Variants in ADAMTS20 observed in about 807,000 individuals in gnomAD.
ADAMTS20 encodes A disintegrin and metalloproteinase with thrombospondin motifs 20.
In ADAMTS20, 225 loss-of-function variants were observed where a neutral mutation model predicts 260.1. The observed-to-expected ratio is 0.87, with a 90% CI of 0.78 to 0.97. The LOEUF is 0.97. Ranked by LOEUF, ADAMTS20 falls within the 50% of genes least tolerant of loss-of-function variation. The pLI, the probability that ADAMTS20 is intolerant of heterozygous loss-of-function variation, is 0.00. For synonymous variants in ADAMTS20, 802 were observed against 769.5 expected (o/e 1.04, Z -0.70); for missense variants, 2,400 against 2,337.7 (o/e 1.03, Z -0.55).
chr12:43,358,609 C>T (rs1565663259), intron 37 of ADAMTS20, among the ~76,000 whole-genome samples: 1 of 151,720 alleles, frequency 6.6e-6, no homozygotes, highest in South Asian at 2.1e-4. Flanking sequence ...GAGGCCGAGA[C>T]GGGCGGATCA....
intron 7 of ADAMTS20, among the ~76,000 whole-genome samples, chr12:43,469,038 A>G (rs1166649250): frequency 6.6e-6 from 1 of 152,146 alleles, no homozygotes; most frequent in African/African-American, 2.4e-5. Context: ...TAGCGTGGGT[A>G]GCAGGAAAGA....
At position 43,369,324 on chromosome 12, in the gene ADAMTS20, G is replaced by A. The variant is rs1178538083; in HGVS notation, c.5504C>T (p.Ala1835Val). The change falls in exon 37 of 39, where the codon GCT becomes GTT. Residue 1835 changes from alanine (A) to valine (V), a missense_variant. Ala to Val is a moderately conservative substitution (Grantham distance 64). Transcript: ENST00000389420. ...TCTGAAAGCACTGTAGCAATCTCCA[G>A]CTGTGGCAAATGGAACTGCATTTCC... Reference protein sequence around the residue: ...IFGNAVPFATAGDCYSAFRCP... With the variant: ...IFGNAVPFATVGDCYSAFRCP... 1.3e-6 allele frequency: 2 copies of A among 1,557,738 alleles called. No individual in the cohort carries two copies. Among genetic ancestry groups the A allele is most frequent in the Admixed American group, 1.9e-5 (1 of 52,618 alleles).
chr12:43,419,609 A>T (rs1941192195), intron 28 of ADAMTS20, among the ~76,000 whole-genome samples: 1 of 152,154 alleles, frequency 6.6e-6, no homozygotes, highest in African/African-American at 2.4e-5. Context: ...AAACATGGAC[A>T]CTTTCACTTT....
intron 2 of ADAMTS20, among the ~76,000 whole-genome samples, chr12:43,535,240 C>A (rs752905819): frequency 1.4e-4 from 22 of 152,282 alleles, no homozygotes; most frequent in Middle Eastern, 3.4e-3. Context: ...GCTGAAGAGA[C>A]TATCTGAGAT....
rs1470997155 is a variant in ADAMTS20 at position 43,532,125 on chromosome 12, T to A, written c.524A>T (p.Tyr175Phe). 2 of 1,612,640 alleles carry A rather than the reference T, an allele frequency of 1.2e-6. No individual in the cohort carries two copies. The highest frequency in any genetic ancestry group is 1.7e-6 in the Non-Finnish European group (2 of 1,179,258). Residue 175 changes from tyrosine to phenylalanine, a missense_variant, in exon 3 of 39, where the codon TAT becomes TTT. Tyr to Phe is a conservative substitution (Grantham distance 22). Transcript: ENST00000389420. ...EPIMKADGNE[Y>F]EDGHNKPHLI... ...ATGTGGCTTGTTGTGACCATCTTCA[T>A]ATTCATTCCCATCTGCCTTCATTAT...
Position 43,464,308 on chromosome 12 carries a change from T to G in ADAMTS20, c.1509+283A>C, listed in dbSNP as rs559249672. On this transcript the variant is annotated intron_variant, in intron 10 of 38. Transcript: ENST00000389420. Reference sequence around the variant, plus strand: ...CATTTGAAAATAAATATTTCAATGATTTTATTTTCAAATTATATAACTTCC... The same window carrying G: ...CATTTGAAAATAAATATTTCAATGAGTTTATTTTCAAATTATATAACTTCC... Among the ~76,000 whole-genome samples the G allele has an allele frequency of 1.2e-3, 186 of 152,242 alleles. 1 individual carries two copies. The highest frequency in any genetic ancestry group is 4.2e-3 in the African/African-American group (175 of 41,566).
chr12:43,477,164 T>G (rs534622462), intron 7 of ADAMTS20, among the ~76,000 whole-genome samples: 3 of 152,104 alleles, frequency 2.0e-5, no homozygotes, highest in Non-Finnish European at 4.4e-5. Flanking sequence ...GTCATTATAA[T>G]TTATGTACAC....
At chr12:43,440,331 T>C (rs1941639747) in intron 16 of ADAMTS20, among the ~76,000 whole-genome samples, 1 of 152,086 alleles carries the variant, frequency 6.6e-6, no homozygotes, top group Admixed American at 6.6e-5. Flanking sequence ...GTATTTTTAG[T>C]AGAGACGGGG....
At chr12:43,419,472 C>T (rs1313626813) in intron 28 of ADAMTS20, among the ~76,000 whole-genome samples, 2 of 152,018 alleles carry the variant, frequency 1.3e-5, no homozygotes, top group African/African-American at 2.4e-5. Context: ...ATTAAGAATG[C>T]TTATATATCT....
chr12:43,521,213 T>C (rs980819849), intron 3 of ADAMTS20, among the ~76,000 whole-genome samples: 6 of 152,210 alleles, frequency 3.9e-5, no homozygotes, highest in African/African-American at 1.4e-4. Context: ...CCTAGAGAAG[T>C]TTAGGTCTCA....
chr12:43,480,682 C>T (rs947095141), intron 7 of ADAMTS20, among the ~76,000 whole-genome samples: 12 of 152,180 alleles, frequency 7.9e-5, no homozygotes, highest in Admixed American at 6.5e-4. Context: ...TAGGACATTA[C>T]GCTCAGTGAA....
chr12:43,431,417 A>T lies in ADAMTS20; in HGVS notation c.3176T>A (p.Phe1059Tyr). The change falls in exon 22 of 39, where the codon TTC becomes TAC. Residue 1059 changes from phenylalanine to tyrosine, a missense_variant. Coordinates refer to ENST00000389420, the MANE Select transcript of ADAMTS20 (RefSeq NM_025003.5). ...TTCAGGTTTGGTACTTGAATTACAG[A>T]AGCCATCACTCAAGTGATCTACATT... ...QLNVDHLSDG[F>Y]CNSSTKPESL... 1 of 1,613,994 alleles carries T rather than the reference A, an allele frequency of 6.2e-7. No individual in the cohort carries two copies.
chr12:43,492,361 C>T, intron 6 of ADAMTS20, 144 bp downstream of exon 6: 2 of 995,152 alleles, frequency 2.0e-6, no homozygotes, highest in Admixed American at 3.1e-5. Context: ...CCCTGGGCGA[C>T]AGAGCGAGAC....
intron 28 of ADAMTS20, among the ~76,000 whole-genome samples, chr12:43,401,042 C>A (rs1443454342): frequency 6.6e-6 from 1 of 151,200 alleles, no homozygotes; most frequent in Non-Finnish European, 1.5e-5. Context: ...ATATTGCACT[C>A]AATGAAGATC....
intron 2 of ADAMTS20, among the ~76,000 whole-genome samples, chr12:43,538,816 A>G (rs934057249): frequency 6.6e-6 from 1 of 152,154 alleles, no homozygotes. Flanking sequence ...AACATCTAAA[A>G]CATTGCCTGA....
chr12:43,529,079 T>C (rs1256564729), intron 3 of ADAMTS20, among the ~76,000 whole-genome samples: 1 of 151,894 alleles, frequency 6.6e-6, no homozygotes, highest in Admixed American at 6.6e-5. Context: ...ATCAGGAAAA[T>C]GCAAATTAAA....
chr12:43,491,072 T>G (rs1423417130), intron 6 of ADAMTS20, among the ~76,000 whole-genome samples: 1 of 152,158 alleles, frequency 6.6e-6, no homozygotes, highest in East Asian at 1.9e-4. Context: ...AGTACAGTCA[T>G]GCACTGCATA....
At chr12:43,535,319 C>T (rs1372344839) in intron 2 of ADAMTS20, among the ~76,000 whole-genome samples, 1 of 152,050 alleles carries the variant, frequency 6.6e-6, no homozygotes, top group African/African-American at 2.4e-5. Flanking sequence ...CCTTTGCAAG[C>T]TCAGTTTATG....
intron 7 of ADAMTS20, among the ~76,000 whole-genome samples, chr12:43,471,279 G>A (rs1466794300): frequency 2.6e-5 from 4 of 152,182 alleles, no homozygotes; most frequent in African/African-American, 9.6e-5. Context: ...TTTTCAGACC[G>A]GCTTAAAACA....
Sources: allele counts gnomAD v4.1 joint callset (sites outside exome capture counted in the v4.1 genomes callset), GRCh38; gene constraint gnomAD v4.1.1; transcripts MANE v1.5; gene names NCBI Gene and HGNC (gene_info 2026-07-23, HGNC 2026-07-21).